The following MYO1E variants were observed in gnomAD, a reference collection of about 807,000 sequenced individuals.
The protein encoded by MYO1E is myosin IE, also known as unconventional myosin-Ie.
In MYO1E, 68 loss-of-function variants were observed where a neutral mutation model predicts 151.1. The observed-to-expected ratio is 0.45, with a 90% confidence interval of 0.37 to 0.55. MYO1E has a LOEUF of 0.55. Among genes scored for constraint, MYO1E ranks in the 20% least tolerant of loss-of-function variants. MYO1E has a pLI of 0.00. For missense variants in MYO1E, 1,363 were observed against 1,389.3 expected (o/e 0.98, Z 0.30); for synonymous variants, 601 against 501.7 (o/e 1.20, Z -2.64).
At chr15:59,165,245 G>A (rs1390131998) in intron 22 of MYO1E, among the ~76,000 whole-genome samples, 2 of 152,168 alleles carry the variant, frequency 1.3e-5, no homozygotes, top group African/African-American at 2.4e-5. Context: ...GGCAGTACGC[G>A]CAAACCATGG....
chr15:59,250,005 T>C (rs1217749192), intron 4 of MYO1E, among the ~76,000 whole-genome samples: 1 of 151,996 alleles, frequency 6.6e-6, no homozygotes, highest in African/African-American at 2.4e-5. Flanking sequence ...TGAGGCGTGC[T>C]GCCCAGGGTC....
At chr15:59,255,274 G>A (rs188420792) in intron 4 of MYO1E, among the ~76,000 whole-genome samples, 145 of 151,984 alleles carry the variant, frequency 9.5e-4, no homozygotes, top group Admixed American at 4.0e-3. Context: ...GACACCAGAC[G>A]CCTGGCTAAT....
chr15:59,249,345 T>G (rs4259990), intron 4 of MYO1E, among the ~76,000 whole-genome samples: 148,151 of 151,396 alleles, frequency 0.98, 72,568 homozygotes, highest in East Asian at 1. Context: ...AAATCACTTG[T>G]ACCTGGGAGG....
chr15:59,196,725 T>C (rs1230431848), intron 16 of MYO1E, among the ~76,000 whole-genome samples: 2 of 152,204 alleles, frequency 1.3e-5, no homozygotes, highest in Non-Finnish European at 2.9e-5. Flanking sequence ...TTTGCGATGC[T>C]TGAAATTGAG....
At chr15:59,305,255 A>G (rs28583561) in intron 1 of MYO1E, among the ~76,000 whole-genome samples, 22,400 of 152,022 alleles carry the variant, frequency 0.15, 2,544 homozygotes, top group African/African-American at 0.32. Context: ...GGGCAGTGGC[A>G]TGATCTCAGC....
At chr15:59,319,971 C>T (rs2080615588) in intron 1 of MYO1E, among the ~76,000 whole-genome samples, 1 of 152,112 alleles carries the variant, frequency 6.6e-6, no homozygotes, top group African/African-American at 2.4e-5. Context: ...CAAGTGACTT[C>T]AGTGAAGTTC....
chr15:59,147,889 C>T (rs2079451550), intron 26 of MYO1E, among the ~76,000 whole-genome samples: 1 of 152,142 alleles, frequency 6.6e-6, no homozygotes. Flanking sequence ...CCAACAATGC[C>T]TGAAGCGTAG....
At chr15:59,232,260 A>C (rs1382777817) in intron 5 of MYO1E, among the ~76,000 whole-genome samples, 1 of 152,138 alleles carries the variant, frequency 6.6e-6, no homozygotes, top group Non-Finnish European at 1.5e-5. Context: ...CTCCCCAAAC[A>C]AGGTTATGGA....
At chr15:59,274,920 C>T (rs1197270783) in intron 1 of MYO1E, among the ~76,000 whole-genome samples, 1 of 152,156 alleles carries the variant, frequency 6.6e-6, no homozygotes, top group Non-Finnish European at 1.5e-5. Context: ...TCAAAGAGGA[C>T]TCATTTTCCA....
intron 1 of MYO1E, among the ~76,000 whole-genome samples, chr15:59,347,914 G>A (rs1006802713): frequency 3.9e-5 from 6 of 152,152 alleles, no homozygotes; most frequent in South Asian, 2.1e-4. Flanking sequence ...AGACAATCTA[G>A]GAAAAGAAAA....
chr15:59,136,511 G>C lies in MYO1E; in HGVS notation c.*869C>G. ...GGAAAAAAGCAGAGCACATCTTTAA[G>C]TACCTGGTGTGAGTTTTGTAAGAAA... is the stretch of plus-strand genomic sequence containing the variant. On this transcript the variant is annotated 3_prime_UTR_variant, in exon 28 of 28. Transcript: ENST00000288235. The C allele has an allele frequency of 3.1e-6, 1 of 317,624 alleles. No homozygotes were observed. Among genetic ancestry groups the C allele is most frequent in the Non-Finnish European group, 6.3e-6 (1 of 157,868 alleles). 19.7% of individuals were successfully genotyped at this position (317,624 alleles called of 1,614,324 possible).
At chr15:59,334,863 A>G (rs983256254) in intron 1 of MYO1E, among the ~76,000 whole-genome samples, 27 of 152,166 alleles carry the variant, frequency 1.8e-4, no homozygotes, top group African/African-American at 6.3e-4. Context: ...AGACTGGCAT[A>G]TATGTCTCCC....
intron 22 of MYO1E, among the ~76,000 whole-genome samples, chr15:59,168,575 A>G (rs552375318): frequency 3.7e-4 from 57 of 152,184 alleles, no homozygotes; most frequent in African/African-American, 1.4e-3. Context: ...AGAATGAACC[A>G]CCACATGTCA....
At chr15:59,251,747 G>C (rs560755724) in intron 4 of MYO1E, among the ~76,000 whole-genome samples, 1 of 152,222 alleles carries the variant, frequency 6.6e-6, no homozygotes, top group South Asian at 2.1e-4. Flanking sequence ...TAAATGTTTT[G>C]CATAATTATA....
chr15:59,224,559 A>G (rs2079976893), intron 8 of MYO1E, 130 bp downstream of exon 8: 2 of 1,233,970 alleles, frequency 1.6e-6, no homozygotes. Context: ...ATGAGCATAC[A>G]GAGTGCTCAC....
Position 59,153,632 on chromosome 15 carries a change from T to C in MYO1E, c.3038A>G (p.Glu1013Gly), listed in dbSNP as rs1318423262. Residue 1013 changes from glutamate to glycine, a missense_variant, in exon 26 of 28, where the codon GAG becomes GGG. Glu to Gly is a moderately conservative substitution (Grantham distance 98). Transcript: ENST00000288235. ...CGGGACCTTGAGGAAATCCAGGCTC[T>C]CTGGCGTCTGTGACACTCGGTCTGA... is the stretch of plus-strand genomic sequence containing the variant. ...TSSDRVSQTP[E>G]SLDFLKVPDQ... 2 of 1,614,186 alleles carry C rather than the reference T, an allele frequency of 1.2e-6. No individual in the cohort carries two copies. Among genetic ancestry groups the C allele is most frequent in the Non-Finnish European group, 1.7e-6 (2 of 1,180,024 alleles).
At chr15:59,162,088 G>C (rs562981488) in intron 23 of MYO1E, among the ~76,000 whole-genome samples, 2 of 152,154 alleles carry the variant, frequency 1.3e-5, no homozygotes, top group Non-Finnish European at 2.9e-5. Flanking sequence ...CCAGGCTGGC[G>C]TGCAGTGGTG....
intron 23 of MYO1E, among the ~76,000 whole-genome samples, chr15:59,162,189 C>T (rs1422876967): frequency 6.6e-6 from 1 of 152,140 alleles, no homozygotes; most frequent in Non-Finnish European, 1.5e-5. Context: ...GCATGCACCA[C>T]CATACTCGGC....
intron 6 of MYO1E, among the ~76,000 whole-genome samples, chr15:59,230,224 TTGTGTG>T (rs71119445): frequency 1.5e-4 from 19 of 127,014 alleles, no homozygotes; most frequent in African/African-American, 5.8e-4. Context: ...CAGTGTGTGT[TTGTGTG>T]TGTGTGTGTG....
Sources: allele counts gnomAD v4.1 joint callset (sites outside exome capture counted in the v4.1 genomes callset), GRCh38; gene constraint gnomAD v4.1.1; transcripts MANE v1.5; gene names NCBI Gene and HGNC (gene_info 2026-07-23, HGNC 2026-07-21).